Variants in SPMAP2L observed in about 807,000 individuals in gnomAD.
The protein encoded by SPMAP2L is sperm microtubule associated protein 2-like.
At chr4:56,537,977 G>A in the SPMAP2L span, among the ~76,000 whole-genome samples, 1 of 151,900 alleles carries the variant, frequency 6.6e-6, no homozygotes, top group Non-Finnish European at 1.5e-5. Context: ...ACAGGCGTGA[G>A]CCACCGTGCC....
At chr4:56,547,374 T>C in the SPMAP2L span, among the ~76,000 whole-genome samples, 1 of 151,942 alleles carries the variant, frequency 6.6e-6, no homozygotes, top group Non-Finnish European at 1.5e-5. Flanking sequence ...GCCTCCCAAG[T>C]AGCTGGGATT....
At chr4:56,553,131 C>G in the SPMAP2L span, among the ~76,000 whole-genome samples, 1 of 136,750 alleles carries the variant, frequency 7.3e-6, no homozygotes, top group Non-Finnish European at 1.6e-5. Flanking sequence ...TCCTCTTTTT[C>G]TTCTTTGGCT....
chr4:56,607,677 C>G, the SPMAP2L span, among the ~76,000 whole-genome samples: 1 of 152,018 alleles, frequency 6.6e-6, no homozygotes, highest in Admixed American at 6.6e-5. Context: ...TGGTCATGAA[C>G]CAGACAGTTG....
the SPMAP2L span, among the ~76,000 whole-genome samples, chr4:56,532,751 A>G: frequency 6.6e-6 from 1 of 152,092 alleles, no homozygotes; most frequent in Middle Eastern, 3.2e-3. Flanking sequence ...CGCCACTCCT[A>G]TCATCATGCA....
chr4:56,539,816 G>A, the SPMAP2L span, among the ~76,000 whole-genome samples: 1 of 152,318 alleles, frequency 6.6e-6, no homozygotes, highest in Admixed American at 6.5e-5. Context: ...TCTCCCTAAA[G>A]TAGGCACCCT....
the SPMAP2L span, chr4:56,559,322 A>AT: frequency 3.6e-6 from 4 of 1,102,978 alleles, no homozygotes; most frequent in Non-Finnish European, 4.6e-6. Context: ...AAAAAAAAAA[A>AT]GAGTCATTTT....
the SPMAP2L span, among the ~76,000 whole-genome samples, chr4:56,605,340 C>T: frequency 2.6e-5 from 4 of 152,106 alleles, no homozygotes; most frequent in Non-Finnish European, 4.4e-5. Context: ...TCTGCTCTCA[C>T]GGACTCTTTA....
the SPMAP2L span, among the ~76,000 whole-genome samples, chr4:56,537,645 T>A: frequency 6.6e-6 from 1 of 152,124 alleles, no homozygotes. Context: ...GCTAACACAC[T>A]CACTCCAGTT....
At chr4:56,589,225 G>A in the SPMAP2L span, among the ~76,000 whole-genome samples, 2 of 152,058 alleles carry the variant, frequency 1.3e-5, no homozygotes, top group Non-Finnish European at 2.9e-5. Flanking sequence ...CTGACCTCAA[G>A]TGATCTGCCC....
the SPMAP2L span, among the ~76,000 whole-genome samples, chr4:56,613,456 G>A: frequency 6.6e-6 from 1 of 152,184 alleles, no homozygotes; most frequent in Non-Finnish European, 1.5e-5. Flanking sequence ...GTTGCCCCCT[G>A]CAGATACCAG....
At chr4:56,558,245 AC>A in the SPMAP2L span, among the ~76,000 whole-genome samples, 1 of 152,274 alleles carries the variant, frequency 6.6e-6, no homozygotes, top group Middle Eastern at 3.4e-3. Flanking sequence ...TGTTGGGATT[AC>A]AGGCATGAGC....
chr4:56,610,006 T>C, the SPMAP2L span, among the ~76,000 whole-genome samples: 1 of 152,162 alleles, frequency 6.6e-6, no homozygotes, highest in African/African-American at 2.4e-5. Flanking sequence ...GAGTGAATAT[T>C]GTGAAAATGA....
chr4:56,593,359 C>G, the SPMAP2L span: 20 of 1,213,402 alleles, frequency 1.6e-5, no homozygotes, highest in East Asian at 2.8e-4. Context: ...TGTCCAGACT[C>G]GAGCCAAATA....
chr4:56,544,730 C>G, the SPMAP2L span, among the ~76,000 whole-genome samples: 2 of 152,314 alleles, frequency 1.3e-5, no homozygotes, highest in East Asian at 3.9e-4. Context: ...GCCTGGTTGC[C>G]GGCCGCACGC....
the SPMAP2L span, among the ~76,000 whole-genome samples, chr4:56,551,962 C>T: frequency 2.0e-5 from 3 of 152,118 alleles, no homozygotes; most frequent in Non-Finnish European, 2.9e-5. Context: ...TGAAATTAGA[C>T]GTGACAGTTA....
chr4:56,530,638 G>A, the SPMAP2L span: 4 of 1,518,012 alleles, frequency 2.6e-6, no homozygotes, highest in Non-Finnish European at 3.5e-6. Flanking sequence ...AACCAGTCGG[G>A]AGGGTGAGTC....
the SPMAP2L span, chr4:56,601,138 A>C: frequency 6.6e-7 from 1 of 1,524,538 alleles, no homozygotes; most frequent in Non-Finnish European, 8.8e-7. Flanking sequence ...AAAGTGGGAC[A>C]GGAAAGGCTG....
chr4:56,592,981 A>G, the SPMAP2L span: 4 of 1,603,628 alleles, frequency 2.5e-6, no homozygotes, highest in South Asian at 4.4e-5. Flanking sequence ...TGAAAATGGA[A>G]GACCCTGTTT....
the SPMAP2L span, chr4:56,559,255 C>T: frequency 4.1e-5 from 30 of 725,926 alleles, no homozygotes; most frequent in East Asian, 1.1e-3. Flanking sequence ...GAGCCGAGAT[C>T]GAGCCACTGC....
Sources: allele counts gnomAD v4.1 joint callset (sites outside exome capture counted in the v4.1 genomes callset), GRCh38; gene constraint gnomAD v4.1.1; transcripts MANE v1.5; gene names NCBI Gene and HGNC (gene_info 2026-07-23, HGNC 2026-07-21).